Variants in TENT4A observed in about 807,000 individuals in gnomAD.
TENT4A encodes DNA polymerase kappa.
A neutral mutation model predicts 72.8 loss-of-function variants in TENT4A; 7 were observed. That is an observed-to-expected ratio of 0.10 (90% CI 0.05 to 0.18). TENT4A has a LOEUF of 0.18. Among genes scored for constraint, TENT4A ranks in the 10% least tolerant of loss-of-function variants. The pLI is 1.00. For synonymous variants in TENT4A, 456 were observed against 434.3 expected, an observed-to-expected ratio of 1.05 and a Z score of -0.62; for missense variants, 831 against 1,017.7, an observed-to-expected ratio of 0.82 and a Z score of 2.50.
At chr5:6,719,093 A>G (rs1740525238) in intron 1 of TENT4A, among the ~76,000 whole-genome samples, 1 of 152,200 alleles carries the variant, frequency 6.6e-6, no homozygotes, top group Non-Finnish European at 1.5e-5. Flanking sequence ...TCTCAGAAAT[A>G]TTTAATGCAT....
intron 1 of TENT4A, among the ~76,000 whole-genome samples, chr5:6,729,625 G>A (rs1412860701): frequency 6.6e-6 from 1 of 152,264 alleles, no homozygotes; most frequent in African/African-American, 2.4e-5. Context: ...CAGGCTGGGT[G>A]GCAGGTGGAT....
At chr5:6,718,236 TGA>T (rs1740479567) in intron 1 of TENT4A, among the ~76,000 whole-genome samples, 1 of 152,240 alleles carries the variant, frequency 6.6e-6, no homozygotes, top group Non-Finnish European at 1.5e-5. Context: ...AGGCGTCTGG[TGA>T]GAGTCGTTTC....
At chr5:6,744,405 T>C (rs1741971540) in intron 6 of TENT4A, among the ~76,000 whole-genome samples, 1 of 152,262 alleles carries the variant, frequency 6.6e-6, no homozygotes, top group Non-Finnish European at 1.5e-5. Context: ...TTTTTAAACA[T>C]ATAAAATCAT....
rs370168714 is a variant in TENT4A, at chr5:6,748,610, C to T, written c.1586+20C>T. ...CGAAAGGTAATGGGTTGTGTGTCTGCGTCTGGGCTCAGCGTGCCTGTGGGA... is the reference window on the plus strand; with the variant it reads ...CGAAAGGTAATGGGTTGTGTGTCTGTGTCTGGGCTCAGCGTGCCTGTGGGA... On this transcript the variant is annotated intron_variant, in intron 8 of 12. Transcript: ENST00000230859. 18 of 1,600,436 alleles carry T rather than the reference C, an allele frequency of 1.1e-5. No individual in the cohort carries two copies. In the Admixed American group the frequency reaches 1.7e-4, roughly 15 times the overall value.
rs905317595 is a variant in TENT4A, at chr5:6,725,754, A to G, written c.716+11055A>G. On this transcript the variant is annotated intron_variant, in intron 1 of 12. Coordinates refer to ENST00000230859, the MANE Select transcript of TENT4A (RefSeq NM_006999.6). The stretch of plus-strand genomic sequence containing the variant: ...CCAGAAGCACAAGCAGGTGGCTGCC[A>G]CTGTAGGACCTCTCTCTCTAGGCTC... Among the ~76,000 whole-genome samples the G allele has an allele frequency of 2.6e-5, 4 of 152,144 alleles. No homozygotes were observed. The South Asian group carries it at 8.3e-4, about 32-fold the overall frequency.
chr5:6,722,375 A>G (rs1176386190), intron 1 of TENT4A, among the ~76,000 whole-genome samples: 2 of 152,214 alleles, frequency 1.3e-5, no homozygotes, highest in African/African-American at 4.8e-5. Context: ...GTTTTTGAAA[A>G]TACAACTTCC....
chr5:6,739,069 T>C (rs1367260203), intron 3 of TENT4A, among the ~76,000 whole-genome samples: 3 of 152,230 alleles, frequency 2.0e-5, no homozygotes, highest in South Asian at 2.1e-4. Context: ...ATTGATCTTA[T>C]GTTTTGATGA....
chr5:6,754,100 C>G (rs1464055757), intron 12 of TENT4A, among the ~76,000 whole-genome samples: 1 of 152,230 alleles, frequency 6.6e-6, no homozygotes, highest in Non-Finnish European at 1.5e-5. Flanking sequence ...GCGCCAGGTC[C>G]TGGCACGTGT....
intron 4 of TENT4A, among the ~76,000 whole-genome samples, chr5:6,742,261 GT>G (rs1478035196): frequency 6.6e-6 from 1 of 152,098 alleles, no homozygotes; most frequent in East Asian, 1.9e-4. Flanking sequence ...GTCACCTCTG[GT>G]GCTGATCCAG....
Position 6,739,708 on chromosome 5 carries a change from C to A in TENT4A, c.888-24C>A, listed in dbSNP as rs370406949. On this transcript the variant is annotated intron_variant, in intron 3 of 12. Coordinates refer to ENST00000230859, the MANE Select transcript of TENT4A (RefSeq NM_006999.6). Reference sequence around the variant, plus strand: ...TAGGCTGTGGCGAGGGGAGCAGTGGCTGACGTGCGTTTTCTTCTGTCAGCG... The same window carrying A: ...TAGGCTGTGGCGAGGGGAGCAGTGGATGACGTGCGTTTTCTTCTGTCAGCG... 5.6e-6 allele frequency: 9 copies of A among 1,612,900 alleles called. No individual in the cohort carries two copies. The African/African-American group carries it at 1.2e-4, about 22-fold the overall frequency.
At chr5:6,746,570 A>C in intron 7 of TENT4A, 143 bp downstream of exon 7, 1 of 657,394 alleles carries the variant, frequency 1.5e-6, no homozygotes, top group Non-Finnish European at 2.6e-6. Flanking sequence ...CCAGTTAATA[A>C]TCACACTTTG....
At chr5:6,749,481 G>GT (rs1742278691) in intron 8 of TENT4A, 76 bp from the exon 9 acceptor site, 1 of 854,406 alleles carries the variant, frequency 1.2e-6, no homozygotes, top group Admixed American at 1.8e-5. Context: ...GGGGTATAAG[G>GT]TAGCTGTTCG....
chr5:6,737,549 C>T lies in TENT4A; in HGVS notation c.756C>T (p.Ser252=), dbSNP rs956693910. The T allele has an allele frequency of 3.1e-6, 5 of 1,613,258 alleles. No homozygotes were observed. Among genetic ancestry groups the T allele is most frequent in the East Asian group, 2.2e-5 (1 of 44,878 alleles). ...EEIIDFYNFM[S]PCPEEAAMRR... Reference sequence around the variant, plus strand: ...TAATTGACTTTTATAACTTCATGTCCCCTTGTCCTGAAGAAGCAGCTATGA... The same window carrying T: ...TAATTGACTTTTATAACTTCATGTCTCCTTGTCCTGAAGAAGCAGCTATGA... The change falls in exon 2 of 13, where the codon TCC becomes TCT. Residue 252 remains serine (S), a synonymous_variant. Coordinates refer to ENST00000230859, the MANE Select transcript of TENT4A (RefSeq NM_006999.6).
chr5:6,749,251 T>G (rs1742265726), intron 8 of TENT4A, among the ~76,000 whole-genome samples: 1 of 152,128 alleles, frequency 6.6e-6, no homozygotes, highest in Admixed American at 6.5e-5. Flanking sequence ...GTCTCCATTC[T>G]CGTCCGTGCA....
intron 2 of TENT4A, among the ~76,000 whole-genome samples, 183 bp downstream of exon 2, chr5:6,737,816 C>T (rs1237296596): frequency 6.6e-5 from 10 of 152,146 alleles, no homozygotes. Context: ...GGCGCACCTG[C>T]ACCTGCTGTC....
intron 3 of TENT4A, among the ~76,000 whole-genome samples, chr5:6,739,468 A>G (rs1050148088): frequency 1.3e-5 from 2 of 152,208 alleles, no homozygotes; most frequent in African/African-American, 4.8e-5. Context: ...ATCCCCTCAC[A>G]TACCTAGTGC....
rs2126586232 is a variant in TENT4A, at chr5:6,714,191, G to T, written c.208G>T (p.Ala70Ser). The change falls in exon 1 of 13, where the codon GCC becomes TCC. Residue 70 changes from alanine (A) to serine (S), a missense_variant. This residue lies in a region of TENT4A where 302 missense variants were observed against 293.8 expected (regional missense o/e 1.03). Coordinates refer to ENST00000230859, the MANE Select transcript of TENT4A (RefSeq NM_006999.6). ...TGGCGGCCTGGGCCCCGCGCTGCCC[G>T]CCGCGTCGCCCCCGCCGCCCGGCCC... ...GSGGLGPALPAASPPPPGPTA... is the reference protein window; with the variant it reads ...GSGGLGPALPSASPPPPGPTA... The T allele has an allele frequency of 1.1e-6, 1 of 932,214 alleles. No individual in the cohort carries two copies. Among genetic ancestry groups the T allele is most frequent in the Non-Finnish European group, 1.3e-6 (1 of 789,574 alleles). 57.7% of individuals were successfully genotyped at this position (932,214 alleles called of 1,614,324 possible). A position where few individuals can be genotyped will look rare whatever the true frequency, so the allele number is the denominator to read the frequency against.
intron 1 of TENT4A, among the ~76,000 whole-genome samples, chr5:6,716,678 C>T (rs1740404787): frequency 6.6e-6 from 1 of 152,226 alleles, no homozygotes; most frequent in Non-Finnish European, 1.5e-5. Flanking sequence ...AGCAACACCT[C>T]CAGGGCTCTG....
chr5:6,718,520 G>A (rs1740494868), intron 1 of TENT4A, among the ~76,000 whole-genome samples: 1 of 152,218 alleles, frequency 6.6e-6, no homozygotes, highest in African/African-American at 2.4e-5. Context: ...GGTGGCGGTG[G>A]CACGTGTGGA....
Sources: allele counts gnomAD v4.1 joint callset (sites outside exome capture counted in the v4.1 genomes callset), GRCh38; gene constraint gnomAD v4.1.1; regional missense constraint gnomAD v4.1.1; transcripts MANE v1.5; gene names NCBI Gene and HGNC (gene_info 2026-07-23, HGNC 2026-07-21).